PSG11: variants seen among roughly 807,000 people sequenced by gnomAD.
The protein encoded by PSG11 is pregnancy-specific beta-1-glycoprotein 11.
Under a neutral mutation model 36.0 loss-of-function variants are expected in PSG11, and 42 were observed. The observed-to-expected ratio is 1.17, with a 90% confidence interval of 0.91 to 1.51. PSG11 has a LOEUF of 1.51. Ranked by LOEUF, PSG11 falls within the 40% of genes most tolerant of loss-of-function variation. PSG11 has a pLI of 0.00. For missense variants in PSG11, 558 were observed against 403.5 expected, an observed-to-expected ratio of 1.38 and a Z score of -3.28; for synonymous variants, 206 against 153.5, an observed-to-expected ratio of 1.34 and a Z score of -2.53.
chr19:43,019,435 C>T (rs189450436), intron 2 of PSG11: 18 of 224,610 alleles, frequency 8.0e-5, no homozygotes, highest in African/African-American at 3.2e-4. Context: ...TTACTTTTCC[C>T]CCCAAGGTAT....
At chr19:43,015,941 T>C (rs766800273) in intron 3 of PSG11, 13 of 1,609,900 alleles carry the variant, frequency 8.1e-6, no homozygotes, top group Middle Eastern at 2.2e-4. Flanking sequence ...AGCCACCAAA[T>C]GTAGGCATAG....
intron 2 of PSG11, chr19:43,019,438 C>T (rs758340447): frequency 1.8e-5 from 4 of 222,978 alleles, no homozygotes; most frequent in South Asian, 9.3e-5. Context: ...CTTTTCCCCC[C>T]AAGGTATGTT....
intron 5 of PSG11, among the ~76,000 whole-genome samples, chr19:43,009,206 T>C (rs1364866446): frequency 6.6e-6 from 1 of 151,372 alleles, no homozygotes; most frequent in Non-Finnish European, 1.5e-5. Context: ...CAACCACACA[T>C]AGGTTGTGTC....
intron 3 of PSG11, chr19:43,015,752 A>C: frequency 6.2e-7 from 1 of 1,609,192 alleles, no homozygotes; most frequent in Non-Finnish European, 8.5e-7. Flanking sequence ...TGGCCCACAG[A>C]GGAACAAAAG....
chr19:43,015,045 C>A (rs1966923117), intron 4 of PSG11, 71 bp downstream of exon 4: 1 of 1,608,936 alleles, frequency 6.2e-7, no homozygotes, highest in Non-Finnish European at 8.5e-7. Flanking sequence ...AAATGTTTTC[C>A]TGACTCTTCT....
rs764492164 is a variant in PSG11, at chr19:43,015,125, T to C, written c.955A>G (p.Arg319Gly). ...GEESSTSLTI[R>G]VIAPPGLGTF... ...GCTGGGATCCACTTACCAATGACTC[T>C]GATTGTCAAGGATGTGGAGCTTTCC... Residue 319 changes from arginine (R) to glycine (G), a missense_variant, in exon 4 of 6, where the codon AGA becomes GGA. Coordinates refer to ENST00000320078, the MANE Select transcript of PSG11 (RefSeq NM_002785.3). 1.9e-6 allele frequency: 3 copies of C among 1,611,976 alleles called. No individual in the cohort carries two copies. The highest frequency in any genetic ancestry group is 2.5e-6 in the Non-Finnish European group (3 of 1,178,968).
rs1456151964 is a variant in PSG11 at position 43,018,787 on chromosome 19, A to G, written c.692T>C (p.Val231Ala). 3 of 1,612,140 alleles carry G rather than the reference A, an allele frequency of 1.9e-6. No individual in the cohort carries two copies. The highest frequency in any genetic ancestry group is 2.7e-5 in the African/African-American group (2 of 74,594). ...ATACTCACGGAGGAGATTCAGGGTG[A>G]CTGGGTCACTGCGGCTGGCACTCCC... ...NSGSASRSDPVTLNLLHGPDL... is the reference protein window; with the variant it reads ...NSGSASRSDPATLNLLHGPDL... The change falls in exon 3 of 6, where the codon GTC becomes GCC. Residue 231 changes from valine (V) to alanine (A), a missense_variant. Val to Ala is a moderately conservative substitution (Grantham distance 64). Coordinates refer to ENST00000320078, the MANE Select transcript of PSG11 (RefSeq NM_002785.3).
chr19:43,019,171 A>G, intron 2 of PSG11, 123 bp from the exon 3 acceptor site: 2 of 1,517,844 alleles, frequency 1.3e-6, no homozygotes, highest in Non-Finnish European at 1.8e-6. Flanking sequence ...AGCCCATGGC[A>G]GGTGTGTGTG....
rs1974094806 is a variant in PSG11, at chr19:43,012,201, G to T, written c.965-2160C>A. 1.3e-5 allele frequency among the ~76,000 whole-genome samples: 2 copies of T among 151,354 alleles called. 1 individual carries two copies. Among genetic ancestry groups the T allele is most frequent in the South Asian group, 4.2e-4 (2 of 4,756 alleles). On this transcript the variant is annotated intron_variant, in intron 4 of 5. Transcript: ENST00000320078. ...ACCCAATGCTAACATCATACTCAAT[G>T]GAGAAAGACTGAAAGCTTCCCCTCT...
intron 2 of PSG11, chr19:43,019,621 C>G (rs144635190): frequency 0.012 from 1,854 of 157,342 alleles, 70 homozygotes; most frequent in African/African-American, 0.042. Context: ...TCAGGCAGTG[C>G]AGCCACAAGG....
chr19:43,016,744 C>G (rs1966976900), intron 3 of PSG11, among the ~76,000 whole-genome samples: 1 of 151,544 alleles, frequency 6.6e-6, no homozygotes, highest in African/African-American at 2.4e-5. Context: ...TAGGCAAGAG[C>G]TGGTGGCTTT....
At chr19:43,008,399 A>C (rs1189378848) in intron 5 of PSG11, among the ~76,000 whole-genome samples, 1 of 150,894 alleles carries the variant, frequency 6.6e-6, no homozygotes, top group Non-Finnish European at 1.5e-5. Flanking sequence ...CAGCCTCCTG[A>C]GTAGCTGGGA....
intron 4 of PSG11, 189 bp from the exon 5 acceptor site, chr19:43,010,230 G>T: frequency 3.4e-6 from 5 of 1,452,988 alleles, no homozygotes; most frequent in Non-Finnish European, 4.5e-6. Context: ...ATGTTTCTCA[G>T]TTGGTGATCA....
chr19:43,014,836 T>C (rs1267129085), intron 4 of PSG11: 3 of 1,316,254 alleles, frequency 2.3e-6, no homozygotes, highest in Admixed American at 3.0e-5. Context: ...CTCTCCTTCT[T>C]GTCCCTCTGT....
intron 3 of PSG11, 139 bp from the exon 4 acceptor site, chr19:43,015,509 C>A: frequency 7.5e-7 from 1 of 1,335,552 alleles, no homozygotes; most frequent in African/African-American, 1.5e-5. Flanking sequence ...GTTCACTGAG[C>A]TGAAGCCTGA....
chr19:43,021,294 T>A lies in PSG11; in HGVS notation c.431-2246A>T, dbSNP rs186637318. Among the ~76,000 whole-genome samples the A allele has an allele frequency of 4.5e-4, 68 of 151,542 alleles. 2 individuals carry two copies. Among genetic ancestry groups the A allele is most frequent in the African/African-American group, 1.6e-3 (67 of 41,146 alleles). Reference sequence around the variant, plus strand: ...TATTGACACATCCTCAAGCTAGGGATTCCTTCCTCAGCTGTGTGCAGTCTA... The same window carrying A: ...TATTGACACATCCTCAAGCTAGGGAATCCTTCCTCAGCTGTGTGCAGTCTA... On this transcript the variant is annotated intron_variant, in intron 2 of 5. Transcript: ENST00000320078.
chr19:43,013,660 G>C (rs1303775451), intron 4 of PSG11, among the ~76,000 whole-genome samples: 1 of 151,422 alleles, frequency 6.6e-6, no homozygotes, highest in East Asian at 1.9e-4. Context: ...TGGAGCTCTA[G>C]TGCATTGCTG....
chr19:43,023,203 C>T (rs35222246), intron 2 of PSG11, among the ~76,000 whole-genome samples: 56,099 of 148,138 alleles, frequency 0.38, 13,434 homozygotes, highest in East Asian at 0.97. Flanking sequence ...ACATGGGTGT[C>T]AGCCTCTGAA....
rs1966933761 is a variant in PSG11, at chr19:43,015,327, G to T, written c.753C>A (p.Tyr251Ter). The T allele has an allele frequency of 1.2e-6, 2 of 1,610,240 alleles. No individual in the cohort carries two copies. The highest frequency in any genetic ancestry group is 2.7e-5 in the African/African-American group (2 of 74,498). ...LPRIFPSVTS[Y>*]YSGENLDLSC... ...ACAAGTCGAGGTTCTCTCCTGAATA[G>T]TAAGAGGTGACTGAAGGGAAAATTC... The change falls in exon 4 of 6, where the codon TAC (tyrosine) becomes TAA (stop). Residue 251 changes from tyrosine to a stop codon, truncating the protein, a stop_gained. Transcript: ENST00000320078. LOFTEE classifies it high-confidence loss of function.
Sources: gnomAD v4.1 joint callset for allele counts (sites outside exome capture counted in the v4.1 genomes callset) on GRCh38, gnomAD v4.1.1 for gene constraint, MANE v1.5 for transcripts, NCBI Gene and HGNC (gene_info 2026-07-23, HGNC 2026-07-21) for gene names.